The following CNTLN variants were observed in gnomAD, a reference collection of about 807,000 sequenced individuals.
CNTLN encodes centlein, also known as centlein, centrosomal protein.
Under a neutral mutation model 180.0 loss-of-function variants are expected in CNTLN, and 212 were observed. The ratio of observed to expected loss-of-function variants is 1.18; its 90% CI spans 1.05 to 1.32. The LOEUF (loss-of-function observed/expected upper bound fraction) is 1.32, where lower values mean the gene tolerates loss of function less well. CNTLN is among the 40% of genes most tolerant of loss of function. The pLI, the probability that CNTLN is intolerant of heterozygous loss-of-function variation, is 0.00. For synonymous variants in CNTLN, 722 were observed against 563.1 expected (o/e 1.28, Z -3.99); for missense variants, 2,095 against 1,610.9 (o/e 1.30, Z -5.14).
At chr9:17,240,970 T>C (rs1262583921) in intron 5 of CNTLN, among the ~76,000 whole-genome samples, 2 of 152,180 alleles carry the variant, frequency 1.3e-5, no homozygotes, top group Non-Finnish European at 2.9e-5. Flanking sequence ...GCCATTCTCC[T>C]GCCTCAGCCT....
chr9:17,318,138 C>A (rs765993065), intron 8 of CNTLN, among the ~76,000 whole-genome samples: 1 of 151,776 alleles, frequency 6.6e-6, no homozygotes, highest in Non-Finnish European at 1.5e-5. Flanking sequence ...CGCTATTCTC[C>A]TGCCTCAGCC....
intron 16 of CNTLN, among the ~76,000 whole-genome samples, chr9:17,411,609 G>A (rs988233368): frequency 6.6e-6 from 1 of 152,174 alleles, no homozygotes; most frequent in Non-Finnish European, 1.5e-5. Context: ...GTGAGCCATT[G>A]TTACGGCCTG....
chr9:17,229,153 T>C (rs539539474), intron 3 of CNTLN, among the ~76,000 whole-genome samples: 6 of 152,036 alleles, frequency 3.9e-5, no homozygotes, highest in East Asian at 3.9e-4. Flanking sequence ...TTTATAGAAG[T>C]AAGGAGAGAG....
the CNTLN span, among the ~76,000 whole-genome samples, chr9:17,518,936 T>A: frequency 6.6e-6 from 1 of 152,088 alleles, no homozygotes; most frequent in Non-Finnish European, 1.5e-5. Flanking sequence ...GACTTGTTTG[T>A]TTAGTTTTTG....
chr9:17,492,555 C>G (rs941888240), intron 25 of CNTLN, among the ~76,000 whole-genome samples: 1 of 152,068 alleles, frequency 6.6e-6, no homozygotes, highest in African/African-American at 2.4e-5. Flanking sequence ...CAATTCATGT[C>G]TTTAAAAAGC....
the CNTLN span, among the ~76,000 whole-genome samples, chr9:17,519,902 T>TGCTGG: frequency 1.2e-4 from 18 of 152,134 alleles, no homozygotes. Flanking sequence ...ATAGCTGGGG[T>TGCTGG]GAAGCAAGAG....
At chr9:17,166,355 A>C (rs1820068605) in intron 2 of CNTLN, among the ~76,000 whole-genome samples, 1 of 152,148 alleles carries the variant, frequency 6.6e-6, no homozygotes, top group South Asian at 2.1e-4. Context: ...ATAGGAGCAA[A>C]AGGAAAAGAA....
rs1000141163 is a variant in CNTLN at position 17,370,034 on chromosome 9, C to T, written c.1987+3317C>T. ...ACAGAGGAGATAAAAGAATAAAAAA[C>T]AATGAAGCATGCCTACAAGATTAAT... is the stretch of plus-strand genomic sequence containing the variant. On this transcript the variant is annotated intron_variant, in intron 13 of 25. Coordinates refer to ENST00000380647, the MANE Select transcript of CNTLN (RefSeq NM_017738.4). Among the ~76,000 whole-genome samples the T allele has an allele frequency of 4.1e-5, 6 of 145,810 alleles. No individual in the cohort carries two copies. The East Asian group carries it at 1.2e-3, about 29-fold the overall frequency.
intron 2 of CNTLN, among the ~76,000 whole-genome samples, chr9:17,217,951 T>C (rs1433596206): frequency 6.6e-6 from 1 of 152,136 alleles, no homozygotes; most frequent in Non-Finnish European, 1.5e-5. Flanking sequence ...TAATACTATA[T>C]TTAATATAAG....
At chr9:17,162,122 CT>C (rs930407750) in intron 2 of CNTLN, among the ~76,000 whole-genome samples, 6 of 148,502 alleles carry the variant, frequency 4.0e-5, no homozygotes, top group African/African-American at 7.4e-5. Context: ...TTTCTTTTTT[CT>C]TTTTTTTTTG....
intron 15 of CNTLN, among the ~76,000 whole-genome samples, chr9:17,399,178 C>G (rs891986997): frequency 6.6e-6 from 1 of 152,152 alleles, no homozygotes; most frequent in Non-Finnish European, 1.5e-5. Context: ...TCTAAGCCAC[C>G]TCTTTGAGCT....
At chr9:17,526,346 C>T in the CNTLN span, among the ~76,000 whole-genome samples, 1 of 152,202 alleles carries the variant, frequency 6.6e-6, no homozygotes, top group Non-Finnish European at 1.5e-5. Context: ...ATTCTCTAAA[C>T]TGTAATTAAG....
chr9:17,335,234 A>G (rs1288585687), intron 10 of CNTLN, among the ~76,000 whole-genome samples: 1 of 152,200 alleles, frequency 6.6e-6, no homozygotes, highest in African/African-American at 2.4e-5. Flanking sequence ...ATAAAAAATT[A>G]TTGGCTGGGC....
At chr9:17,494,459 T>C (rs1241272751) in intron 25 of CNTLN, among the ~76,000 whole-genome samples, 2 of 152,150 alleles carry the variant, frequency 1.3e-5, no homozygotes, top group Admixed American at 1.3e-4. Flanking sequence ...ATAGATTATT[T>C]CATCAACCAG....
chr9:17,188,425 A>G (rs1381257070), intron 2 of CNTLN, among the ~76,000 whole-genome samples: 1 of 152,144 alleles, frequency 6.6e-6, no homozygotes, highest in African/African-American at 2.4e-5. Context: ...TCTGTAGACC[A>G]TAAAAAAGCC....
intron 3 of CNTLN, among the ~76,000 whole-genome samples, chr9:17,234,569 A>G (rs1297756465): frequency 2.0e-5 from 3 of 152,132 alleles, no homozygotes; most frequent in African/African-American, 7.2e-5. Flanking sequence ...AGTCCTTTGG[A>G]GACAATTTGA....
At chr9:17,463,755 C>G (rs1203502803) in intron 20 of CNTLN, among the ~76,000 whole-genome samples, 3 of 151,552 alleles carry the variant, frequency 2.0e-5, no homozygotes, top group African/African-American at 7.3e-5. Context: ...TAACAGGGCT[C>G]TAGATTAACA....
chr9:17,383,871 C>T (rs942983045), intron 13 of CNTLN, among the ~76,000 whole-genome samples: 1 of 152,064 alleles, frequency 6.6e-6, no homozygotes, highest in Admixed American at 6.5e-5. Flanking sequence ...ATCTCCTGAC[C>T]TCGTGATCTG....
chr9:17,253,571 C>T (rs145646692), intron 5 of CNTLN, among the ~76,000 whole-genome samples: 1 of 151,166 alleles, frequency 6.6e-6, no homozygotes, highest in South Asian at 2.1e-4. Context: ...TCAGCTATTT[C>T]ATTACTAATG....
Sources: gnomAD v4.1 joint callset for allele counts (sites outside exome capture counted in the v4.1 genomes callset) on GRCh38, gnomAD v4.1.1 for gene constraint, MANE v1.5 for transcripts, NCBI Gene and HGNC (gene_info 2026-07-23, HGNC 2026-07-21) for gene names.